Variants in CMTM7 observed in about 807,000 individuals in gnomAD.
CMTM7 encodes CKLF like MARVEL transmembrane domain containing 7, also known as CKLF-like MARVEL transmembrane domain-containing protein 7.
Under a neutral mutation model 19.3 loss-of-function variants are expected in CMTM7, and 7 were observed. The observed-to-expected ratio is 0.36, with a 90% confidence interval of 0.21 to 0.68. The LOEUF (loss-of-function observed/expected upper bound fraction) is 0.68, where lower values mean the gene tolerates loss of function less well. CMTM7 is among the 30% of genes least tolerant of loss of function. CMTM7 has a pLI of 0.60. For missense variants in CMTM7, 193 were observed against 232.6 expected, an observed-to-expected ratio of 0.83 and a Z score of 1.11; for synonymous variants, 87 against 99.3, an observed-to-expected ratio of 0.88 and a Z score of 0.74.
chr3:32,423,940 A>G (rs1696383871), intron 1 of CMTM7, among the ~76,000 whole-genome samples: 2 of 152,212 alleles, frequency 1.3e-5, no homozygotes, highest in Admixed American at 6.5e-5. Context: ...AACAGTGCAT[A>G]TGTTACTTTC....
chr3:32,406,018 G>A (rs1177852500), intron 1 of CMTM7, among the ~76,000 whole-genome samples: 1 of 152,226 alleles, frequency 6.6e-6, no homozygotes, highest in East Asian at 1.9e-4. Flanking sequence ...GGCTACTGGT[G>A]ATACCAGTTT....
At chr3:32,410,261 A>G (rs1287686814) in intron 1 of CMTM7, among the ~76,000 whole-genome samples, 2 of 152,244 alleles carry the variant, frequency 1.3e-5, no homozygotes, top group African/African-American at 4.8e-5. Context: ...CTTCTCTACC[A>G]AGACCTGAGC....
At position 32,449,469 on chromosome 3, in the gene CMTM7, T is replaced by G. The variant is rs766830014; in HGVS notation, c.349T>G (p.Leu117Val). The change falls in exon 3 of 5, where the codon TTA becomes GTA. Residue 117 changes from leucine (L) to valine (V), a missense_variant. By Grantham distance (32) the Leu-to-Val change is conservative. Coordinates refer to ENST00000334983, the MANE Select transcript of CMTM7 (RefSeq NM_138410.4). This position sits in a 1 kb window ranked among gnomAD's most constrained non-coding sequence, Gnocchi z 4.5. ...SWPLSELLHY[L>V]IGTLLLLIAS... ...CTGCCCCCAGGAACTTCTGCACTAT[T>G]TAATCGGTACCCTGCTCCTCCTCAT... The G allele has an allele frequency of 3.7e-6, 6 of 1,614,014 alleles. No individual in the cohort carries two copies. In the East Asian group the frequency reaches 1.1e-4, roughly 30 times the overall value.
chr3:32,395,371 C>A (rs994028166), intron 1 of CMTM7, among the ~76,000 whole-genome samples: 4 of 151,904 alleles, frequency 2.6e-5, no homozygotes, highest in African/African-American at 9.7e-5. Flanking sequence ...ATACTATATA[C>A]CATGTGTGTA....
intron 1 of CMTM7, among the ~76,000 whole-genome samples, chr3:32,417,401 A>G (rs1480452974): frequency 6.6e-6 from 1 of 152,256 alleles, no homozygotes; most frequent in Non-Finnish European, 1.5e-5. Flanking sequence ...CTTGGATAAT[A>G]AAAATATTCT....
chr3:32,446,260 C>G (rs1696751669), intron 2 of CMTM7, among the ~76,000 whole-genome samples: 2 of 151,990 alleles, frequency 1.3e-5, no homozygotes, highest in African/African-American at 2.4e-5. Context: ...GGAATTTGTC[C>G]ATTTCATCTA....
At chr3:32,398,917 G>T (rs1695958194) in intron 1 of CMTM7, among the ~76,000 whole-genome samples, 1 of 152,128 alleles carries the variant, frequency 6.6e-6, no homozygotes, top group South Asian at 2.1e-4. Context: ...GGTCTAGGCT[G>T]CAGTGAGTGG....
intron 2 of CMTM7, among the ~76,000 whole-genome samples, chr3:32,445,437 A>C (rs1696739849): frequency 6.6e-6 from 1 of 152,158 alleles, no homozygotes; most frequent in African/African-American, 2.4e-5. Context: ...GATTTTGTCA[A>C]ATGCTTTTTC....
intron 1 of CMTM7, among the ~76,000 whole-genome samples, chr3:32,416,443 TGC>T: frequency 1.1e-5 from 1 of 90,268 alleles, no homozygotes; most frequent in Non-Finnish European, 2.1e-5. Context: ...GCGGACTGAC[TGC>T]AGTGGCGCAA....
chr3:32,435,904 G>A (rs1022149635), intron 1 of CMTM7, among the ~76,000 whole-genome samples: 1 of 152,182 alleles, frequency 6.6e-6, no homozygotes, highest in Non-Finnish European at 1.5e-5. Flanking sequence ...CAAAACAAGT[G>A]GATTTTAAAA....
intron 1 of CMTM7, among the ~76,000 whole-genome samples, chr3:32,393,741 A>G (rs1156373980): frequency 6.7e-6 from 1 of 149,812 alleles, no homozygotes; most frequent in Non-Finnish European, 1.5e-5. Context: ...GTGCCACTGC[A>G]CTAGTCTGCG....
chr3:32,433,713 A>T (rs138048820), intron 1 of CMTM7, among the ~76,000 whole-genome samples: 15 of 152,290 alleles, frequency 9.8e-5, no homozygotes, highest in African/African-American at 3.1e-4. Flanking sequence ...CAAGAGTGTC[A>T]TGGAGCTGTC....
chr3:32,415,022 C>T (rs1696238757), intron 1 of CMTM7, among the ~76,000 whole-genome samples: 1 of 152,028 alleles, frequency 6.6e-6, no homozygotes, highest in African/African-American at 2.4e-5. Flanking sequence ...CCAAGGTTGT[C>T]CACAGTCTAG....
intron 1 of CMTM7, among the ~76,000 whole-genome samples, chr3:32,421,663 A>G (rs868438548): frequency 6.6e-6 from 1 of 152,198 alleles, no homozygotes; most frequent in South Asian, 2.1e-4. Context: ...CCTTTAGGAC[A>G]GGGTCCGTGT....
intron 2 of CMTM7, among the ~76,000 whole-genome samples, chr3:32,448,394 T>G (rs965593226): frequency 2.6e-5 from 4 of 152,234 alleles, no homozygotes; most frequent in Non-Finnish European, 4.4e-5. Context: ...TTGGAATGCT[T>G]TTCCAAAATT....
intron 1 of CMTM7, among the ~76,000 whole-genome samples, chr3:32,437,850 C>T (rs1159048101): frequency 2.0e-5 from 3 of 151,942 alleles, no homozygotes; most frequent in African/African-American, 7.3e-5. Context: ...GAGATGTTGC[C>T]ACTGCACTCC....
chr3:32,452,174 A>T, intron 3 of CMTM7: 4 of 1,506,660 alleles, frequency 2.7e-6, no homozygotes, highest in Non-Finnish European at 3.5e-6. Context: ...GCCAGCCCTG[A>T]CCTGGCCCAA....
At chr3:32,423,185 C>T (rs1202604947) in intron 1 of CMTM7, among the ~76,000 whole-genome samples, 1 of 152,138 alleles carries the variant, frequency 6.6e-6, no homozygotes, top group African/African-American at 2.4e-5. Context: ...GTCCACGTGC[C>T]TCTCATCCTT....
At chr3:32,451,822 A>G in intron 3 of CMTM7, 1 of 334,352 alleles carries the variant, frequency 3.0e-6, no homozygotes, top group South Asian at 2.3e-5. Context: ...GCGCTGGATG[A>G]CCCTGAGAAA....
Sources: allele counts gnomAD v4.1 joint callset (sites outside exome capture counted in the v4.1 genomes callset), GRCh38; gene constraint gnomAD v4.1.1; non-coding constraint Gnocchi (gnomAD v3.1); transcripts MANE v1.5; gene names NCBI Gene and HGNC (gene_info 2026-07-23, HGNC 2026-07-21).